Variants in FAM227B observed in about 807,000 individuals in gnomAD.
The protein encoded by FAM227B is family with sequence similarity 227 member B, also known as protein FAM227B.
Under a neutral mutation model 73.8 loss-of-function variants are expected in FAM227B, and 88 were observed. The ratio of observed to expected loss-of-function variants is 1.19; its 90% CI spans 1.00 to 1.42. FAM227B has a LOEUF of 1.42. Ranked by LOEUF, FAM227B falls within the 40% of genes most tolerant of loss-of-function variation. FAM227B has a pLI of 0.00. For synonymous variants in FAM227B, 210 were observed against 190.5 expected (o/e 1.10, Z -0.84); for missense variants, 632 against 590.9 (o/e 1.07, Z -0.72).
intron 11 of FAM227B, among the ~76,000 whole-genome samples, chr15:49,494,284 C>CAT (rs1555506863): frequency 7.7e-4 from 116 of 151,238 alleles, no homozygotes; most frequent in South Asian, 1.0e-3. Flanking sequence ...CACACACACA[C>CAT]ACACACCCTA....
Position 49,437,028 on chromosome 15 carries a change from T to C in FAM227B, c.1013-65629A>G, listed in dbSNP as rs572719109. ...ACCTTCAGTTTATTTTGCTTACACA[T>C]TGCTAAGATGCTACAAAATTTAACT... On this transcript the variant is annotated intron_variant, in intron 11 of 15. Coordinates refer to ENST00000299338, the MANE Select transcript of FAM227B (RefSeq NM_152647.3). Among the ~76,000 whole-genome samples, 14 of 151,712 alleles carry C rather than the reference T, an allele frequency of 9.2e-5. 1 individual carries two copies. The South Asian group carries it at 2.5e-3, about 27-fold the overall frequency.
chr15:49,411,319 GA>G (rs1245715436), intron 11 of FAM227B, among the ~76,000 whole-genome samples: 1 of 151,752 alleles, frequency 6.6e-6, no homozygotes, highest in Non-Finnish European at 1.5e-5. Flanking sequence ...ATTGTTGAAA[GA>G]AAAAAAGTCC....
intron 10 of FAM227B, among the ~76,000 whole-genome samples, chr15:49,528,511 TA>T (rs1326654974): frequency 6.6e-6 from 1 of 151,632 alleles, no homozygotes; most frequent in African/African-American, 2.4e-5. Context: ...AGACGTAACC[TA>T]AAAACCGTCT....
intron 11 of FAM227B, among the ~76,000 whole-genome samples, chr15:49,494,554 T>C (rs2057431366): frequency 6.6e-6 from 1 of 152,168 alleles, no homozygotes. Context: ...AGGATACTGC[T>C]TCCCCTGCAA....
intron 11 of FAM227B, chr15:49,434,340 A>G (rs2050891509): frequency 6.6e-6 from 1 of 151,602 alleles, no homozygotes; most frequent in Non-Finnish European, 1.5e-5. Flanking sequence ...TGCTAGACTA[A>G]GAATGCAATA....
intron 11 of FAM227B, among the ~76,000 whole-genome samples, chr15:49,458,272 G>T (rs960681595): frequency 1.3e-5 from 2 of 151,196 alleles, no homozygotes; most frequent in African/African-American, 2.4e-5. Context: ...AATATACTCT[G>T]GAGAAAAAGA....
chr15:49,513,160 G>T (rs1393741544), intron 10 of FAM227B, among the ~76,000 whole-genome samples: 1 of 152,104 alleles, frequency 6.6e-6, no homozygotes, highest in East Asian at 1.9e-4. Context: ...TCTGATTCTA[G>T]ATCCTTGAGG....
At chr15:49,600,384 T>C (rs989658921) in intron 3 of FAM227B, among the ~76,000 whole-genome samples, 2 of 151,022 alleles carry the variant, frequency 1.3e-5, no homozygotes, top group East Asian at 3.9e-4. Flanking sequence ...CCAGGCATGG[T>C]GGCTCATGCC....
At chr15:49,471,973 T>C (rs2054817397) in intron 11 of FAM227B, among the ~76,000 whole-genome samples, 1 of 151,266 alleles carries the variant, frequency 6.6e-6, no homozygotes, top group Non-Finnish European at 1.5e-5. Context: ...ACAGCACAGG[T>C]GTTGTTTTCA....
At chr15:49,390,110 G>T (rs2047117139) in intron 11 of FAM227B, among the ~76,000 whole-genome samples, 1 of 151,956 alleles carries the variant, frequency 6.6e-6, no homozygotes, top group Non-Finnish European at 1.5e-5. Context: ...GGCTTGCTCT[G>T]GGAAATGAAA....
rs370991026 is a variant in FAM227B, at chr15:49,435,342, T to C, written c.1013-63943A>G. On this transcript the variant is annotated intron_variant, in intron 11 of 15. Coordinates refer to ENST00000299338, the MANE Select transcript of FAM227B (RefSeq NM_152647.3). The stretch of plus-strand genomic sequence containing the variant: ...GCATGTAAGGACAAAATTATGAAGG[T>C]TATCTACCACATTCTTTAAGATAAG... Among the ~76,000 whole-genome samples the C allele has an allele frequency of 2.6e-5, 4 of 151,496 alleles. No individual in the cohort carries two copies. The East Asian group carries it at 5.8e-4, about 22-fold the overall frequency.
At chr15:49,499,752 T>C (rs1036980717) in intron 11 of FAM227B, among the ~76,000 whole-genome samples, 3 of 152,202 alleles carry the variant, frequency 2.0e-5, no homozygotes, top group Non-Finnish European at 2.9e-5. Flanking sequence ...ATTTCCAAGA[T>C]AATTCGATGA....
chr15:49,465,387 C>T (rs1250257136), intron 11 of FAM227B, among the ~76,000 whole-genome samples: 1 of 151,634 alleles, frequency 6.6e-6, no homozygotes, highest in Non-Finnish European at 1.5e-5. Context: ...CTGCCCACCT[C>T]GGCCTCCCAA....
chr15:49,385,837 A>G (rs1282077369), intron 11 of FAM227B, among the ~76,000 whole-genome samples: 3 of 151,966 alleles, frequency 2.0e-5, no homozygotes, highest in Non-Finnish European at 4.4e-5. Context: ...ACCAAAAGTG[A>G]GCAGGAGTAG....
In FAM227B at chr15:49,588,081, A is replaced by G; in HGVS notation, c.340T>C (p.Ser114Pro). The change falls in exon 5 of 16, where the codon TCT becomes CCT. Residue 114 changes from serine to proline, a missense_variant and splice_region_variant. Transcript: ENST00000299338. ...CCATATCGTTCCAATTTTCTATAAGAACCTTTAAGAAAATAAGAATTCACA... is the reference window on the plus strand; with the variant it reads ...CCATATCGTTCCAATTTTCTATAAGGACCTTTAAGAAAATAAGAATTCACA... ...KWKSMISETS[S>P]YRKLERYGEF... is the part of the protein sequence containing the mutation. The G allele has an allele frequency of 7.1e-7, 1 of 1,402,944 alleles. No homozygotes were observed. The highest frequency in any genetic ancestry group is 9.5e-7 in the Non-Finnish European group (1 of 1,049,178). The allele number at this position is 1,402,944 out of a possible 1,614,324, so 86.9% of individuals were successfully genotyped here. A position where few individuals can be genotyped will look rare whatever the true frequency, so the allele number is the denominator to read the frequency against.
At chr15:49,491,384 C>T (rs1182346277) in intron 11 of FAM227B, among the ~76,000 whole-genome samples, 1 of 151,888 alleles carries the variant, frequency 6.6e-6, no homozygotes, top group African/African-American at 2.4e-5. Context: ...CTTAAACTAG[C>T]ACCCAAAGCT....
intron 5 of FAM227B, among the ~76,000 whole-genome samples, chr15:49,582,544 C>T (rs1008269333): frequency 1.1e-4 from 16 of 152,118 alleles, no homozygotes; most frequent in Middle Eastern, 3.2e-3. Flanking sequence ...ACTTTTAACA[C>T]GCCACTGACA....
intron 11 of FAM227B, among the ~76,000 whole-genome samples, chr15:49,462,573 T>C (rs1361200280): frequency 2.0e-5 from 3 of 152,208 alleles, no homozygotes; most frequent in Non-Finnish European, 4.4e-5. Context: ...TCCACTTTCG[T>C]TGGCACAGAA....
intron 15 of FAM227B, chr15:49,329,533 A>G: frequency 1.0e-6 from 1 of 985,322 alleles, no homozygotes. Context: ...AGCTAGTTTT[A>G]TTTCTTAAAG....
Sources: gnomAD v4.1 joint callset for allele counts (sites outside exome capture counted in the v4.1 genomes callset) on GRCh38, gnomAD v4.1.1 for gene constraint, MANE v1.5 for transcripts, NCBI Gene and HGNC (gene_info 2026-07-23, HGNC 2026-07-21) for gene names.